Variants in SIRPG observed in about 807,000 individuals in gnomAD.
SIRPG encodes the protein signal regulatory protein gamma.
A neutral mutation model predicts 35.7 loss-of-function variants in SIRPG; 38 were observed. That is an observed-to-expected ratio of 1.06 (90% CI 0.82 to 1.40). The LOEUF (loss-of-function observed/expected upper bound fraction) is 1.40, where lower values mean the gene tolerates loss of function less well. Ranked by LOEUF, SIRPG falls within the 40% of genes most tolerant of loss-of-function variation. The pLI is 0.00. For missense variants in SIRPG, 519 were observed against 483.0 expected (o/e 1.07, Z -0.70); for synonymous variants, 215 against 190.4 (o/e 1.13, Z -1.06).
the SIRPG span, among the ~76,000 whole-genome samples, chr20:1,664,927 G>GA: frequency 2.7e-3 from 411 of 151,864 alleles, 3 homozygotes; most frequent in African/African-American, 9.3e-3. Context: ...CTCTACAGTG[G>GA]GATTCCTTAG....
At position 1,636,517 on chromosome 20, in the gene SIRPG, G is replaced by T. The variant is rs41275438; in HGVS notation, c.431-12C>A. On this transcript the variant is annotated splice_polypyrimidine_tract_variant and intron_variant, in intron 2 of 5. Transcript: ENST00000303415. ...GGCAGAGGGTTTGGCTACAAAAGGG[G>T]CATCGATAAACAGGAGACATGACTG... 0.14 allele frequency: 226,854 copies of T among 1,613,108 alleles called. 18,042 individuals carry two copies. The highest frequency in any genetic ancestry group is 0.16 in the Non-Finnish European group (193,480 of 1,179,098).
rs771425697 is a variant in SIRPG at position 1,636,221 on chromosome 20, G to C, written c.715C>G (p.Arg239Gly). The C allele has an allele frequency of 1.9e-6, 3 of 1,614,044 alleles. No individual in the cohort carries two copies. The highest frequency in any genetic ancestry group is 2.5e-6 in the Non-Finnish European group (3 of 1,180,012). ...GCCTCAGACAAGTTGGCAGTCCCAC[G>C]AAGAGGGTCCCCCTGCAAGGTGACA... is the stretch of plus-strand genomic sequence containing the variant. ...AHVTLQGDPL[R>G]GTANLSEAIR... The change falls in exon 3 of 6, where the codon CGT (arginine) becomes GGT (glycine). Residue 239 changes from arginine (R) to glycine (G), a missense_variant. By Grantham distance (125) the Arg-to-Gly change is moderately radical. Coordinates refer to ENST00000303415, the MANE Select transcript of SIRPG (RefSeq NM_018556.4).
upstream of SIRPG, among the ~76,000 whole-genome samples, chr20:1,658,922 G>A (rs531161604): frequency 2.5e-4 from 38 of 152,150 alleles, no homozygotes; most frequent in African/African-American, 7.7e-4. Flanking sequence ...TCTAAATCCC[G>A]CTCCTTGTTC....
At chr20:1,638,666 A>G (rs1416604259) in intron 2 of SIRPG, among the ~76,000 whole-genome samples, 1 of 152,136 alleles carries the variant, frequency 6.6e-6, no homozygotes, top group Admixed American at 6.5e-5. Context: ...GGTTTGTTTT[A>G]TAGGTTATGT....
At chr20:1,686,220 C>T in the SIRPG span, among the ~76,000 whole-genome samples, 1 of 152,144 alleles carries the variant, frequency 6.6e-6, no homozygotes, top group South Asian at 2.1e-4. Flanking sequence ...ATGCCCAGTC[C>T]TTGACCTACC....
the SIRPG span, chr20:1,666,626 T>C: frequency 2.0e-5 from 3 of 152,222 alleles, no homozygotes; most frequent in African/African-American, 7.2e-5. Context: ...GGCAACACAG[T>C]GAGACCCCAG....
the SIRPG span, among the ~76,000 whole-genome samples, chr20:1,682,143 T>C: frequency 2.6e-5 from 4 of 152,212 alleles, no homozygotes; most frequent in Non-Finnish European, 5.9e-5. Context: ...CTATTGCTTA[T>C]CTTAACAGAT....
the SIRPG span, among the ~76,000 whole-genome samples, chr20:1,676,135 C>A: frequency 6.6e-6 from 1 of 152,164 alleles, no homozygotes; most frequent in Non-Finnish European, 1.5e-5. Context: ...GAACTTGCGT[C>A]TTTATCTGTA....
the SIRPG span, among the ~76,000 whole-genome samples, chr20:1,671,436 G>A: frequency 4.6e-5 from 7 of 152,170 alleles, no homozygotes; most frequent in African/African-American, 1.7e-4. Context: ...CTGGGCACAG[G>A]AACAAAGTTA....
chr20:1,660,006 C>T (rs1473127458), upstream of SIRPG, among the ~76,000 whole-genome samples: 1 of 152,202 alleles, frequency 6.6e-6, no homozygotes, highest in Middle Eastern at 3.2e-3. Context: ...AAGAACTTCA[C>T]ACCTGAGCAA....
chr20:1,633,721 G>A (rs921743144), intron 4 of SIRPG: 1 of 152,160 alleles, frequency 6.6e-6, no homozygotes, highest in Non-Finnish European at 1.5e-5. Context: ...CCACCATAAG[G>A]TATGTGGGAG....
At chr20:1,682,376 T>C in the SIRPG span, among the ~76,000 whole-genome samples, 36,978 of 152,188 alleles carry the variant, frequency 0.24, 5,197 homozygotes, top group East Asian at 0.59. Flanking sequence ...AATCTCTCCA[T>C]GTGACACACT....
intron 1 of SIRPG, among the ~76,000 whole-genome samples, chr20:1,656,113 T>C (rs2091974092): frequency 6.6e-6 from 1 of 152,240 alleles, no homozygotes; most frequent in Non-Finnish European, 1.5e-5. Flanking sequence ...CATACACTAG[T>C]GTTTTACCTC....
chr20:1,637,237 G>A (rs867084376), intron 2 of SIRPG: 4 of 220,516 alleles, frequency 1.8e-5, no homozygotes, highest in African/African-American at 7.1e-5. Flanking sequence ...AAGTAGTTAA[G>A]GCTAAAGCTT....
chr20:1,683,907 T>C, the SIRPG span, among the ~76,000 whole-genome samples: 1 of 146,194 alleles, frequency 6.8e-6, no homozygotes, highest in Non-Finnish European at 1.5e-5. Context: ...TGGTGGAGGC[T>C]GCAGTGAGCC....
chr20:1,648,261 A>G (rs1383503581), intron 2 of SIRPG: 1 of 152,160 alleles, frequency 6.6e-6, no homozygotes, highest in Non-Finnish European at 1.5e-5. Context: ...GGATATTCTG[A>G]GATGACCCAG....
At chr20:1,673,633 G>A in the SIRPG span, among the ~76,000 whole-genome samples, 1 of 151,556 alleles carries the variant, frequency 6.6e-6, no homozygotes, top group African/African-American at 2.4e-5. Flanking sequence ...ATGACAAAAG[G>A]AGCAGAAACC....
intron 2 of SIRPG, among the ~76,000 whole-genome samples, chr20:1,643,628 G>C (rs978839321): frequency 1.3e-5 from 2 of 152,120 alleles, no homozygotes; most frequent in African/African-American, 4.8e-5. Flanking sequence ...GACTCATTGC[G>C]ATCATTTGGA....
the SIRPG span, among the ~76,000 whole-genome samples, chr20:1,683,532 T>C: frequency 2.0e-5 from 3 of 152,124 alleles, no homozygotes; most frequent in Admixed American, 6.6e-5. Flanking sequence ...GAAAATGTGG[T>C]ATATATACAC....
Sources: gnomAD v4.1 joint callset for allele counts (sites outside exome capture counted in the v4.1 genomes callset) on GRCh38, gnomAD v4.1.1 for gene constraint, MANE v1.5 for transcripts, NCBI Gene and HGNC (gene_info 2026-07-23, HGNC 2026-07-21) for gene names.